SLC9A3: variants seen among roughly 807,000 people sequenced by gnomAD.
The protein encoded by SLC9A3 is solute carrier family 9 member A3.
In SLC9A3, 37 loss-of-function variants were observed where a neutral mutation model predicts 86.8. That is an observed-to-expected ratio of 0.43 (90% confidence interval 0.33 to 0.56). SLC9A3 has a LOEUF of 0.56. SLC9A3 is among the 20% of genes least tolerant of loss of function. The pLI is 0.06. For missense variants in SLC9A3, 1,011 were observed against 1,171.9 expected, an observed-to-expected ratio of 0.86 and a Z score of 2.00; for synonymous variants, 581 against 528.3, an observed-to-expected ratio of 1.10 and a Z score of -1.37.
intron 1 of SLC9A3, among the ~76,000 whole-genome samples, chr5:498,546 C>A (rs190884901): frequency 6.6e-6 from 1 of 152,206 alleles, no homozygotes; most frequent in Non-Finnish European, 1.5e-5. Context: ...GGATTACAGG[C>A]GTGCGCCACC....
Position 477,368 on chromosome 5 carries a change from C to T in SLC9A3, c.1724G>A (p.Arg575Gln), listed in dbSNP as rs754908120. 4.3e-6 allele frequency: 7 copies of T among 1,612,840 alleles called. No homozygotes were observed. The highest frequency in any genetic ancestry group is 4.0e-5 in the African/African-American group (3 of 75,044). Residue 575 changes from arginine (R) to glutamine (Q), a missense_variant, in exon 11 of 17, where the codon CGA (arginine) becomes CAA (glutamine). By Grantham distance (43) the Arg-to-Gln change is conservative (BLOSUM62 1). This residue lies in a region of SLC9A3 where 565 missense variants were observed against 790.0 expected (regional missense o/e 0.72). Transcript: ENST00000264938. ...DNVVNVDFTP[R>Q]SSTVEASVSY... ...GACAGAGGCCTCCACGGTGGACGAT[C>T]GTGGCGTGAAGTCCACGTTGACCAC...
chr5:473,158 G>GCGCAGGCCCCGCCCCCGA lies in SLC9A3; in HGVS notation c.*220_*221insTCGGGGGCGGGGCCTGCG. ...CCTCGGCGCTCCGGCCCCGCCCCCG[G>GCGCAGGCCCCGCCCCCGA]CGCAGGCCCCGCCCCCGGCTCGCCC... On this transcript the variant is annotated 3_prime_UTR_variant, in exon 17 of 17. Transcript: ENST00000264938. The GCGCAGGCCCCGCCCCCGA allele has an allele frequency of 5.0e-6, 2 of 396,906 alleles. No homozygotes were observed. The highest frequency in any genetic ancestry group is 8.1e-6 in the Non-Finnish European group (2 of 247,676). The allele number at this position is 396,906 out of a possible 1,614,324, so 24.6% of individuals were successfully genotyped here.
intron 1 of SLC9A3, among the ~76,000 whole-genome samples, chr5:511,171 G>A (rs1453046151): frequency 6.6e-6 from 1 of 152,180 alleles, no homozygotes; most frequent in East Asian, 1.9e-4. Flanking sequence ...CACTGTTCTC[G>A]GATGGCAAGG....
intron 4 of SLC9A3, 90 bp downstream of exon 4, chr5:485,063 G>C (rs2126621680): frequency 9.8e-7 from 1 of 1,017,318 alleles, no homozygotes; most frequent in East Asian, 2.4e-5. Context: ...TGAGTGCAAA[G>C]CTTTTTCCTG....
intron 15 of SLC9A3, 161 bp from the exon 16 acceptor site, chr5:475,293 T>G (rs11745923): frequency 0.33 from 236,945 of 728,238 alleles, 44,909 homozygotes; most frequent in Non-Finnish European, 0.4. Context: ...CCCACATCCA[T>G]GACCCCACAC....
intron 1 of SLC9A3, among the ~76,000 whole-genome samples, chr5:493,344 C>T (rs1008981642): frequency 6.6e-6 from 1 of 152,222 alleles, no homozygotes; most frequent in Non-Finnish European, 1.5e-5. Context: ...GGGGAGGCTC[C>T]CTCCACACCA....
At chr5:492,374 A>AGCCCATGGGGAAGGGGAGGGAGGTC (rs1739810107) in intron 1 of SLC9A3, among the ~76,000 whole-genome samples, 1 of 61,044 alleles carries the variant, frequency 1.6e-5, no homozygotes, top group African/African-American at 8.4e-5. Flanking sequence ...GGAGGGAGGT[A>AGCCCATGGGGAAGGGGAGGGAGGTC]GGGGGGAACC....
Position 488,412 on chromosome 5 carries a change from C to T in SLC9A3, c.579G>A (p.Pro193=), listed in dbSNP as rs542245214. The change falls in exon 3 of 17, where the codon CCG becomes CCA. Residue 193 remains proline (P), a synonymous_variant. Transcript: ENST00000264938. ...CCTCAAACACGGCCAGGACGGCCAC[C>T]GGGTCCACAGCCGCCATGAGGCTGC... is the stretch of plus-strand genomic sequence containing the variant. The part of the protein sequence containing the change: ...LFGSLMAAVD[P]VAVLAVFEEV... The T allele has an allele frequency of 2.1e-4, 341 of 1,607,442 alleles. No individual in the cohort carries two copies. In the African/African-American group the frequency reaches 2.8e-3, roughly 13 times the overall value.
chr5:501,799 A>C (rs1321091446), intron 1 of SLC9A3, among the ~76,000 whole-genome samples: 1 of 152,190 alleles, frequency 6.6e-6, no homozygotes, highest in African/African-American at 2.4e-5. Context: ...GTGCTCACGG[A>C]GGTCCGCCGT....
In SLC9A3 at chr5:476,649, C is replaced by A; in HGVS notation, c.1784G>T (p.Cys595Phe). The A allele has an allele frequency of 6.2e-7, 1 of 1,606,888 alleles. No individual in the cohort carries two copies. Among genetic ancestry groups the A allele is most frequent in the Non-Finnish European group, 8.5e-7 (1 of 1,179,864 alleles). Residue 595 changes from cysteine to phenylalanine, a missense_variant, in exon 12 of 17, where the codon TGC (cysteine) becomes TTC (phenylalanine). Cys to Phe is a radical substitution (Grantham distance 205, BLOSUM62 -2). Transcript: ENST00000264938. Reference sequence around the variant, plus strand: ...CTGCTCCAGAGACTGCATGTCCAGGCAGACAGCGCTGACATTTTCTCTCCT... The same window carrying A: ...CTGCTCCAGAGACTGCATGTCCAGGAAGACAGCGCTGACATTTTCTCTCCT... Reference protein sequence around the residue: ...YLLRENVSAVCLDMQSLEQRR... With the variant: ...YLLRENVSAVFLDMQSLEQRR...
At chr5:482,826 G>A (rs1055607728) in intron 6 of SLC9A3, 76 bp from the exon 7 acceptor site, 55 of 1,201,400 alleles carry the variant, frequency 4.6e-5, no homozygotes, top group East Asian at 3.3e-4. Context: ...CCGGGACAGC[G>A]TCTTGGCGGC....
Position 477,357 on chromosome 5 carries a change from C to T in SLC9A3, c.1735G>A (p.Val579Met), listed in dbSNP as rs773879869. ...NVDFTPRSST[V>M]EASVSYLLRE... ...AGGAGGTAGGAGACAGAGGCCTCCA[C>T]GGTGGACGATCGTGGCGTGAAGTCC... is the stretch of plus-strand genomic sequence containing the variant. The change falls in exon 11 of 17, where the codon GTG becomes ATG. Residue 579 changes from valine to methionine, a missense_variant. Transcript: ENST00000264938. 34 of 1,611,680 alleles carry T rather than the reference C, an allele frequency of 2.1e-5. No homozygotes were observed. Among genetic ancestry groups the T allele is most frequent in the African/African-American group, 2.7e-5 (2 of 74,866 alleles).
chr5:473,864 G>A (rs13354935), intron 16 of SLC9A3, among the ~76,000 whole-genome samples: 10,957 of 152,296 alleles, frequency 0.072, 501 homozygotes, highest in Admixed American at 0.13. Context: ...TGAGAGGGTC[G>A]GGGACCCGGG....
intron 1 of SLC9A3, among the ~76,000 whole-genome samples, chr5:498,506 G>A (rs1380920026): frequency 2.6e-5 from 4 of 152,326 alleles, no homozygotes; most frequent in South Asian, 2.1e-4. Context: ...GGGTTCAAGC[G>A]ATTCTCCTGC....
At position 476,345 on chromosome 5, in the gene SLC9A3, G is replaced by A. The variant is rs766225634; in HGVS notation, c.1924C>T (p.Pro642Ser). The change falls in exon 13 of 17, where the codon CCC becomes TCC. Residue 642 changes from proline (P) to serine (S), a missense_variant. Coordinates refer to ENST00000264938, the MANE Select transcript of SLC9A3 (RefSeq NM_004174.4). ...CGGTCCTGTTTCTCGTCCTCCGTGG[G>A]CGTGAGCTCGTGTCGGCTGTACAGA... ...KHLYSRHELT[P>S]TEDEKQDREI... 2 of 1,613,918 alleles carry A rather than the reference G, an allele frequency of 1.2e-6. No homozygotes were observed. Among genetic ancestry groups the A allele is most frequent in the Non-Finnish European group, 1.7e-6 (2 of 1,180,022 alleles).
At chr5:506,691 C>T (rs114261982) in intron 1 of SLC9A3, among the ~76,000 whole-genome samples, 3,214 of 152,296 alleles carry the variant, frequency 0.021, 54 homozygotes, top group Non-Finnish European at 0.032. Flanking sequence ...GAAAATCAGA[C>T]TCCTTCAGAG....
At chr5:498,134 C>T (rs377390137) in intron 1 of SLC9A3, among the ~76,000 whole-genome samples, 35 of 152,296 alleles carry the variant, frequency 2.3e-4, no homozygotes, top group Non-Finnish European at 3.4e-4. Flanking sequence ...GCTTGAGCCT[C>T]GGCCGCCACT....
At chr5:479,405 CAG>C (rs1739001814) in intron 10 of SLC9A3, 1 of 193,460 alleles carries the variant, frequency 5.2e-6, no homozygotes, top group African/African-American at 2.4e-5. Context: ...GGAGCAGCCT[CAG>C]AGCCATGGCC....
At chr5:492,439 CAGGGCAGAGCCCTCGGGGGA>C (rs1739820532) in intron 1 of SLC9A3, among the ~76,000 whole-genome samples, 1 of 78,084 alleles carries the variant, frequency 1.3e-5, no homozygotes, top group Admixed American at 1.5e-4. Context: ...GGAGGGAGGT[CAGGGCAGAGCCCTCGGGGGA>C]GGGGAGGGAG....
Sources: gnomAD v4.1 joint callset for allele counts (sites outside exome capture counted in the v4.1 genomes callset) on GRCh38, gnomAD v4.1.1 for gene constraint, gnomAD v4.1.1 regional missense constraint, MANE v1.5 for transcripts, NCBI Gene and HGNC (gene_info 2026-07-23, HGNC 2026-07-21) for gene names.